Variants in SH3D19 observed in about 807,000 individuals in gnomAD.
SH3D19 encodes SH3 domain-containing protein 19.
In SH3D19, 58 loss-of-function variants were observed where a neutral mutation model predicts 112.1. The observed-to-expected ratio is 0.52, with a 90% confidence interval of 0.42 to 0.64. The LOEUF is 0.64. Among genes scored for constraint, SH3D19 ranks in the 30% least tolerant of loss-of-function variants. The pLI is 0.00. For missense variants in SH3D19, 1,090 were observed against 1,263.4 expected (o/e 0.86, Z 2.08); for synonymous variants, 391 against 448.5 (o/e 0.87, Z 1.62).
At chr4:151,205,996 G>C (rs893242998) in intron 2 of SH3D19, among the ~76,000 whole-genome samples, 1 of 151,762 alleles carries the variant, frequency 6.6e-6, no homozygotes, top group African/African-American at 2.4e-5. Context: ...ACAGTTGACT[G>C]TTGAGAGGAA....
intron 1 of SH3D19, among the ~76,000 whole-genome samples, chr4:151,266,732 T>G (rs935733432): frequency 2.6e-5 from 4 of 152,218 alleles, no homozygotes; most frequent in African/African-American, 9.6e-5. Flanking sequence ...ATGTTGCTTA[T>G]GGAAGACCTG....
chr4:151,131,846 A>G (rs1579658803), intron 17 of SH3D19, among the ~76,000 whole-genome samples: 1 of 150,394 alleles, frequency 6.6e-6, no homozygotes, highest in East Asian at 2.0e-4. Context: ...CTTTTTTGAG[A>G]TAGAGTCTCG....
intron 2 of SH3D19, among the ~76,000 whole-genome samples, chr4:151,194,016 ATTTTTTTTTTTTTTTTTTT>A (rs201719037): frequency 8.9e-6 from 1 of 111,902 alleles, no homozygotes. Context: ...AGTAGGATTA[ATTTTTTTTTTTTTTTTTTT>A]TTTTTTTTTT....
At chr4:151,244,821 C>A (rs1234252900) in intron 1 of SH3D19, among the ~76,000 whole-genome samples, 2 of 152,194 alleles carry the variant, frequency 1.3e-5, no homozygotes, top group Non-Finnish European at 1.5e-5. Flanking sequence ...GACAGGTAAA[C>A]AGATTTCTCT....
Position 151,122,182 on chromosome 4 carries a change from T to C in SH3D19, c.3053A>G (p.Glu1018Gly), listed in dbSNP as rs1296172563. The C allele has an allele frequency of 1.9e-6, 3 of 1,606,200 alleles. No homozygotes were observed. The highest frequency in any genetic ancestry group is 2.6e-6 in the Non-Finnish European group (3 of 1,173,202). The change falls in exon 20 of 20, where the codon GAA becomes GGA. Residue 1018 changes from glutamate to glycine, a missense_variant. Transcript: ENST00000604030. ...FKAGDIITEL[E>G]SVDDDWMSGE... ...ACTCATCCAGTCATCATCTACAGAT[T>C]CCAGCTCTGTTATTATATCTCCAGC...
At chr4:151,218,180 T>C (rs1767440620) in intron 2 of SH3D19, among the ~76,000 whole-genome samples, 1 of 152,072 alleles carries the variant, frequency 6.6e-6, no homozygotes, top group South Asian at 2.1e-4. Flanking sequence ...TGCAGAGAAA[T>C]ACAAGATGCT....
chr4:151,189,051 C>A (rs899448139), intron 2 of SH3D19, among the ~76,000 whole-genome samples: 4 of 152,104 alleles, frequency 2.6e-5, no homozygotes, highest in Admixed American at 2.6e-4. Context: ...CTGCTGACAC[C>A]TTGATTTCAG....
chr4:151,131,257 T>C lies in SH3D19; in HGVS notation c.2742+1074A>G, dbSNP rs1031567732. On this transcript the variant is annotated intron_variant, in intron 17 of 19. Transcript: ENST00000604030. ...GACTAAAACCCTATCTCATTTTTTATCCTTTTCTTAGGGTGACAAATAAGA... is the reference window on the plus strand; with the variant it reads ...GACTAAAACCCTATCTCATTTTTTACCCTTTTCTTAGGGTGACAAATAAGA... Among the ~76,000 whole-genome samples the C allele has an allele frequency of 6.0e-5, 9 of 150,820 alleles. No homozygotes were observed. In the East Asian group the frequency reaches 1.8e-3, roughly 30 times the overall value.
At chr4:151,156,536 C>T (rs539653964) in intron 9 of SH3D19, among the ~76,000 whole-genome samples, 3 of 152,232 alleles carry the variant, frequency 2.0e-5, no homozygotes, top group African/African-American at 7.2e-5. Context: ...TACAGCCAAT[C>T]GATTTTTGAC....
chr4:151,233,488 G>C (rs1769775175), intron 1 of SH3D19, among the ~76,000 whole-genome samples: 1 of 151,970 alleles, frequency 6.6e-6, no homozygotes, highest in Admixed American at 6.6e-5. Flanking sequence ...TGCATTCCTT[G>C]GCTTGTCGTC....
chr4:151,219,680 C>G (rs1561366554), intron 2 of SH3D19, among the ~76,000 whole-genome samples: 1 of 152,102 alleles, frequency 6.6e-6, no homozygotes, highest in East Asian at 1.9e-4. Context: ...ATTTACTTGT[C>G]TTTTTCTTCC....
intron 2 of SH3D19, among the ~76,000 whole-genome samples, chr4:151,204,444 T>C (rs1167359506): frequency 6.6e-6 from 1 of 152,216 alleles, no homozygotes; most frequent in Non-Finnish European, 1.5e-5. Context: ...GAAGAAAAAT[T>C]TCTGTAGATT....
chr4:151,171,423 T>C (rs149885892), intron 7 of SH3D19, among the ~76,000 whole-genome samples: 2,405 of 152,280 alleles, frequency 0.016, 33 homozygotes, highest in Non-Finnish European at 0.024. Context: ...GAATCTCCTA[T>C]CTGAATCTAA....
At chr4:151,174,586 G>A in intron 7 of SH3D19, 84 bp downstream of exon 7, 5 of 1,289,828 alleles carry the variant, frequency 3.9e-6, no homozygotes, top group Non-Finnish European at 5.3e-6. Flanking sequence ...AATAACTTAT[G>A]TACCAGAAAC....
At chr4:151,210,821 G>A (rs930987901) in intron 2 of SH3D19, among the ~76,000 whole-genome samples, 7 of 151,840 alleles carry the variant, frequency 4.6e-5, no homozygotes, top group African/African-American at 1.7e-4. Context: ...TTTGTATTTT[G>A]ACAAACTTTC....
chr4:151,161,764 CTTT>C (rs1246826788), intron 8 of SH3D19, among the ~76,000 whole-genome samples: 3 of 122,500 alleles, frequency 2.4e-5, no homozygotes, highest in Non-Finnish European at 5.3e-5. Flanking sequence ...ATTCATACCT[CTTT>C]TTTTTTTTTT....
At chr4:151,192,232 C>T (rs1411182424) in intron 2 of SH3D19, among the ~76,000 whole-genome samples, 2 of 152,170 alleles carry the variant, frequency 1.3e-5, no homozygotes, top group Admixed American at 6.5e-5. Flanking sequence ...CCACCGCGCC[C>T]GGCAAGAGTA....
intron 12 of SH3D19, chr4:151,140,467 G>C (rs892573554): frequency 1.3e-5 from 2 of 152,212 alleles, no homozygotes; most frequent in African/African-American, 4.8e-5. Flanking sequence ...TTCAACAGTA[G>C]TTCTAAATAA....
intron 2 of SH3D19, among the ~76,000 whole-genome samples, chr4:151,189,177 G>C (rs1762245304): frequency 6.7e-6 from 1 of 149,980 alleles, no homozygotes. Flanking sequence ...GCAGTGGTGT[G>C]ATCTCGGCTC....
Sources: gnomAD v4.1 joint callset for allele counts (sites outside exome capture counted in the v4.1 genomes callset) on GRCh38, gnomAD v4.1.1 for gene constraint, MANE v1.5 for transcripts, NCBI Gene and HGNC (gene_info 2026-07-23, HGNC 2026-07-21) for gene names.